C12orf42: variants seen among roughly 807,000 people sequenced by gnomAD.
C12orf42 encodes uncharacterized protein C12orf42.
Under a neutral mutation model 21.6 loss-of-function variants are expected in C12orf42, and 25 were observed. That is an observed-to-expected ratio of 1.16 (90% CI 0.84 to 1.62). The LOEUF (loss-of-function observed/expected upper bound fraction) is 1.62. Ranked by LOEUF, C12orf42 falls within the 40% of genes most tolerant of loss-of-function variation. The pLI, the probability that C12orf42 is intolerant of heterozygous loss-of-function variation, is 0.00. For missense variants in C12orf42, 483 were observed against 459.3 expected (o/e 1.05, Z -0.47); for synonymous variants, 174 against 175.0 (o/e 0.99, Z 0.05).
At chr12:103,554,060 C>A in the C12orf42 span, among the ~76,000 whole-genome samples, 1 of 152,138 alleles carries the variant, frequency 6.6e-6, no homozygotes, top group Non-Finnish European at 1.5e-5. Flanking sequence ...ATCAGCAAAC[C>A]TTCCTATAAA....
At chr12:103,115,630 T>C in the C12orf42 span, among the ~76,000 whole-genome samples, 1 of 152,232 alleles carries the variant, frequency 6.6e-6, no homozygotes. Context: ...GTAAGATATT[T>C]AGTACATGTA....
At chr12:103,369,518 T>A (rs1297880525) in intron 3 of C12orf42, among the ~76,000 whole-genome samples, 1 of 151,132 alleles carries the variant, frequency 6.6e-6, no homozygotes, top group African/African-American at 2.4e-5. Flanking sequence ...AGATCTTGGT[T>A]GAGAGTCATT....
At chr12:103,098,374 G>A in the C12orf42 span, among the ~76,000 whole-genome samples, 1 of 152,144 alleles carries the variant, frequency 6.6e-6, no homozygotes, top group Non-Finnish European at 1.5e-5. Flanking sequence ...ATTAAATGAA[G>A]TAATTCATAT....
chr12:103,531,977 G>A, the C12orf42 span, among the ~76,000 whole-genome samples: 10 of 152,270 alleles, frequency 6.6e-5, no homozygotes, highest in Admixed American at 5.9e-4. Flanking sequence ...GGCAGACTCT[G>A]CTGCAATGGC....
chr12:103,153,781 C>G, the C12orf42 span, among the ~76,000 whole-genome samples: 87 of 152,152 alleles, frequency 5.7e-4, no homozygotes, highest in African/African-American at 2.0e-3. Context: ...TGCATATCCT[C>G]TCACTCATCA....
At chr12:103,218,368 C>T in the C12orf42 span, among the ~76,000 whole-genome samples, 1 of 151,960 alleles carries the variant, frequency 6.6e-6, no homozygotes, top group South Asian at 2.1e-4. Flanking sequence ...GTTTTAGCTA[C>T]AGACAATGGT....
chr12:103,370,364 C>T (rs1224946397), intron 3 of C12orf42, among the ~76,000 whole-genome samples: 1 of 152,102 alleles, frequency 6.6e-6, no homozygotes, highest in Non-Finnish European at 1.5e-5. Flanking sequence ...ATCCAGCAAT[C>T]ACATTATTAG....
the C12orf42 span, among the ~76,000 whole-genome samples, chr12:103,209,589 TACTC>T: frequency 6.6e-5 from 10 of 152,184 alleles, no homozygotes; most frequent in East Asian, 1.9e-4. Flanking sequence ...GTCTGACTCA[TACTC>T]ACACAACGGC....
intron 2 of C12orf42, among the ~76,000 whole-genome samples, chr12:103,426,987 C>A (rs898203176): frequency 6.6e-6 from 1 of 152,122 alleles, no homozygotes. Flanking sequence ...AAAACCAGTA[C>A]CAGCCACTGC....
intron 2 of C12orf42, among the ~76,000 whole-genome samples, chr12:103,419,807 C>T (rs970235905): frequency 6.6e-6 from 1 of 152,122 alleles, no homozygotes; most frequent in Non-Finnish European, 1.5e-5. Flanking sequence ...GCTCTGCTTC[C>T]TGGGGCCCGA....
chr12:103,053,053 T>C, the C12orf42 span, among the ~76,000 whole-genome samples: 19 of 152,152 alleles, frequency 1.2e-4, no homozygotes, highest in Middle Eastern at 3.4e-3. Flanking sequence ...CTTTATAATA[T>C]GTCTGAAATT....
the C12orf42 span, among the ~76,000 whole-genome samples, chr12:103,222,081 C>T: frequency 6.6e-6 from 1 of 152,140 alleles, no homozygotes; most frequent in Admixed American, 6.6e-5. Context: ...ATGTCATATG[C>T]ATATTTTTGA....
At chr12:103,126,176 G>A in the C12orf42 span, among the ~76,000 whole-genome samples, 1 of 151,730 alleles carries the variant, frequency 6.6e-6, no homozygotes, top group Non-Finnish European at 1.5e-5. Flanking sequence ...CAATGCCACT[G>A]CCTGTATCTG....
At chr12:103,538,427 A>G in the C12orf42 span, among the ~76,000 whole-genome samples, 1 of 152,330 alleles carries the variant, frequency 6.6e-6, no homozygotes, top group South Asian at 2.1e-4. Context: ...CCTCTGTCTC[A>G]GGGGCTGGAG....
intron 10 of C12orf42, among the ~76,000 whole-genome samples, chr12:103,239,778 C>G (rs182197683): frequency 4.6e-5 from 7 of 152,178 alleles, no homozygotes; most frequent in Admixed American, 4.6e-4. Context: ...TCTTTTAAAC[C>G]ATGTTGGTCT....
intron 4 of C12orf42, among the ~76,000 whole-genome samples, chr12:103,360,039 G>C (rs539394010): frequency 6.6e-6 from 1 of 151,040 alleles, no homozygotes; most frequent in Non-Finnish European, 1.5e-5. Context: ...TTAGATGATT[G>C]TAATAGCTCC....
chr12:103,220,369 C>T, the C12orf42 span, among the ~76,000 whole-genome samples: 1 of 151,894 alleles, frequency 6.6e-6, no homozygotes, highest in South Asian at 2.1e-4. Flanking sequence ...ACGTTCTGCA[C>T]ATGTATCCCA....
At chr12:103,275,412 A>G (rs2136281900) in intron 5 of C12orf42, among the ~76,000 whole-genome samples, 1 of 152,276 alleles carries the variant, frequency 6.6e-6, no homozygotes, top group East Asian at 1.9e-4. Context: ...AAAAACTTAA[A>G]TGCACAAACC....
the C12orf42 span, among the ~76,000 whole-genome samples, chr12:103,049,648 C>T: frequency 6.6e-6 from 1 of 152,122 alleles, no homozygotes; most frequent in African/African-American, 2.4e-5. Context: ...CTTTGATAAA[C>T]TATATTTTCA....
Sources: allele counts gnomAD v4.1 joint callset (sites outside exome capture counted in the v4.1 genomes callset), GRCh38; gene constraint gnomAD v4.1.1; transcripts MANE v1.5; gene names NCBI Gene and HGNC (gene_info 2026-07-23, HGNC 2026-07-21).